NPSR1: variants seen among roughly 807,000 people sequenced by gnomAD.
The protein encoded by NPSR1 is neuropeptide S receptor 1, also known as neuropeptide S receptor.
Under a neutral mutation model 46.9 loss-of-function variants are expected in NPSR1, and 48 were observed. The observed-to-expected ratio is 1.02, with a 90% CI of 0.81 to 1.30. The LOEUF (loss-of-function observed/expected upper bound fraction) is 1.30, where lower values mean the gene tolerates loss of function less well. Ranked by LOEUF, NPSR1 falls within the 50% of genes most tolerant of loss-of-function variation. The pLI, the probability that NPSR1 is intolerant of heterozygous loss-of-function variation, is 0.00. For missense variants in NPSR1, 450 were observed against 449.5 expected, an observed-to-expected ratio of 1.00 and a Z score of -0.01; for synonymous variants, 176 against 168.1, an observed-to-expected ratio of 1.05 and a Z score of -0.36.
rs35157717 is a variant in NPSR1 at position 34,703,371 on chromosome 7, AAAATAAATAAATAAAT to A, written c.280+18707_280+18722del. Reference sequence around the variant, plus strand: ...GGGTGACAGAGCAAGACTCCGTCTCAAAATAAATAAATAAATAAATAAATAAATAAATAAAGCATTT... The same window carrying A: ...GGGTGACAGAGCAAGACTCCGTCTCAAAATAAATAAATAAATAAAGCATTT... On this transcript the variant is annotated intron_variant, in intron 2 of 8. Coordinates refer to ENST00000360581, the MANE Select transcript of NPSR1 (RefSeq NM_207172.2). Among the ~76,000 whole-genome samples, 15 of 148,654 alleles carry A rather than the reference AAAATAAATAAATAAAT, an allele frequency of 1.0e-4. No individual in the cohort carries two copies. In the East Asian group the frequency reaches 2.0e-3, roughly 20 times the overall value.
intron 3 of NPSR1, among the ~76,000 whole-genome samples, chr7:34,782,839 T>C (rs921928084): frequency 4.6e-5 from 7 of 152,134 alleles, no homozygotes; most frequent in African/African-American, 1.7e-4. Flanking sequence ...AAATAATTTT[T>C]TTAGGAAAGC....
rs1289582414 is a variant in NPSR1 at position 34,858,803 on chromosome 7, A to G, written c.1025+10140A>G. On this transcript the variant is annotated intron_variant, in intron 8 of 8. Coordinates refer to the NPSR1 transcript ENST00000359791. ...AAAGACCTGTCCCCATGATTCAGTC[A>G]TCTCCCACTGGGTCCCTTCCACAAC... Among the ~76,000 whole-genome samples, 2 of 151,776 alleles carry G rather than the reference A, an allele frequency of 1.3e-5. 1 individual carries two copies. Among genetic ancestry groups the G allele is most frequent in the African/African-American group, 4.9e-5 (2 of 41,032 alleles).
chr7:34,710,516 GA>G (rs1783223405), intron 2 of NPSR1, among the ~76,000 whole-genome samples: 1 of 152,188 alleles, frequency 6.6e-6, no homozygotes, highest in East Asian at 1.9e-4. Context: ...CAGAATAGAT[GA>G]ATCTTAAATG....
intron 2 of NPSR1, among the ~76,000 whole-genome samples, chr7:34,734,637 A>T (rs1368111562): frequency 6.6e-6 from 1 of 152,198 alleles, no homozygotes; most frequent in Non-Finnish European, 1.5e-5. Flanking sequence ...TCTTCTCAAA[A>T]CTCACAAGAG....
In NPSR1 at chr7:34,697,300, A is replaced by C. The variant is rs184824588; in HGVS notation, c.280+12616A>C. 3.0e-3 allele frequency among the ~76,000 whole-genome samples: 449 copies of C among 152,054 alleles called. 8 individuals are homozygous for C. Among genetic ancestry groups the C allele is most frequent in the African/African-American group, 0.01 (418 of 41,544 alleles). ...TTGCCTGGATGTAGTAAAAGTACTAATTTCTATTAGATTTTAATGTCAAGG... is the reference window on the plus strand; with the variant it reads ...TTGCCTGGATGTAGTAAAAGTACTACTTTCTATTAGATTTTAATGTCAAGG... On this transcript the variant is annotated intron_variant, in intron 2 of 8. Coordinates refer to ENST00000360581, the MANE Select transcript of NPSR1 (RefSeq NM_207172.2).
chr7:34,814,456 T>C (rs1472298793), intron 4 of NPSR1, among the ~76,000 whole-genome samples: 1 of 152,232 alleles, frequency 6.6e-6, no homozygotes. Flanking sequence ...TCCACCTCTG[T>C]GGGCAGGACA....
chr7:34,691,735 A>G (rs1793272478), intron 2 of NPSR1, among the ~76,000 whole-genome samples: 1 of 152,076 alleles, frequency 6.6e-6, no homozygotes, highest in Non-Finnish European at 1.5e-5. Flanking sequence ...ACATATAAGA[A>G]CAAAGATGAA....
intron 1 of NPSR1, among the ~76,000 whole-genome samples, chr7:34,678,218 C>CTTTTTTT (rs869140156): frequency 4.0e-5 from 4 of 100,702 alleles, no homozygotes; most frequent in East Asian, 2.9e-4. Flanking sequence ...CTTTGCAATT[C>CTTTTTTT]TTTTTTTTTT....
At chr7:34,734,324 G>T (rs1320354789) in intron 2 of NPSR1, among the ~76,000 whole-genome samples, 1 of 152,150 alleles carries the variant, frequency 6.6e-6, no homozygotes, top group Non-Finnish European at 1.5e-5. Context: ...AATTGAGAAT[G>T]CTACTCTAAA....
At chr7:34,802,138 G>A (rs1788451311) in intron 3 of NPSR1, among the ~76,000 whole-genome samples, 1 of 150,336 alleles carries the variant, frequency 6.7e-6, no homozygotes, top group Admixed American at 6.6e-5. Flanking sequence ...TGCCCATACT[G>A]CCCAAGGTAT....
chr7:34,715,514 T>C (rs769548663), intron 2 of NPSR1, among the ~76,000 whole-genome samples: 2 of 152,112 alleles, frequency 1.3e-5, no homozygotes, highest in Non-Finnish European at 2.9e-5. Flanking sequence ...CAATATCCCA[T>C]GGATGGGGTC....
intron 1 of NPSR1, among the ~76,000 whole-genome samples, chr7:34,676,785 C>A (rs562529517): frequency 1.7e-4 from 26 of 152,014 alleles, no homozygotes; most frequent in Non-Finnish European, 2.8e-4. Context: ...TAGGAAGACC[C>A]CAAAAGCATT....
At chr7:34,849,380 G>A (rs1278299662) in intron 8 of NPSR1, 185 bp from the exon 9 acceptor site, 5 of 1,552,724 alleles carry the variant, frequency 3.2e-6, no homozygotes, top group Non-Finnish European at 4.4e-6. Context: ...GGGCTCTGGT[G>A]CTGACCAGTG....
chr7:34,770,975 G>A (rs948162359), intron 2 of NPSR1, among the ~76,000 whole-genome samples: 1 of 152,144 alleles, frequency 6.6e-6, no homozygotes, highest in Non-Finnish European at 1.5e-5. Context: ...TATTCATGAG[G>A]GCTCAACCTA....
chr7:34,695,738 TA>T (rs1427523189), intron 2 of NPSR1, among the ~76,000 whole-genome samples: 1 of 151,986 alleles, frequency 6.6e-6, no homozygotes, highest in Non-Finnish European at 1.5e-5. Flanking sequence ...AAATTAAAAG[TA>T]ATACCACAAT....
At chr7:34,857,194 A>T (rs1584148796) in intron 8 of NPSR1, among the ~76,000 whole-genome samples, 2 of 151,736 alleles carry the variant, frequency 1.3e-5, no homozygotes, top group Non-Finnish European at 2.9e-5. Flanking sequence ...AAGATAATCA[A>T]TTTTCAAATT....
At chr7:34,791,417 C>T (rs1303756834) in intron 3 of NPSR1, among the ~76,000 whole-genome samples, 1 of 146,698 alleles carries the variant, frequency 6.8e-6, no homozygotes, top group Non-Finnish European at 1.5e-5. Flanking sequence ...TGTTTCTATA[C>T]ACTAACAATG....
chr7:34,848,557 G>A lies in NPSR1; in HGVS notation c.919G>A (p.Glu307Lys). Residue 307 changes from glutamate to lysine, a missense_variant, in exon 8 of 9, where the codon GAG (glutamate) becomes AAG (lysine). Glu to Lys is a moderately conservative substitution (Grantham distance 56). Coordinates refer to ENST00000360581, the MANE Select transcript of NPSR1 (RefSeq NM_207172.2). ...TTTCAACCTCCTTCCAGACACCCAG[G>A]AGCGTTTCTATGCCTCTGTGATCAT... ...DNFNLLPDTQ[E>K]RFYASVIIQN... The A allele has an allele frequency of 6.2e-7, 1 of 1,614,134 alleles. No homozygotes were observed. The highest frequency in any genetic ancestry group is 8.5e-7 in the Non-Finnish European group (1 of 1,180,006).
intron 2 of NPSR1, among the ~76,000 whole-genome samples, chr7:34,708,335 T>A (rs73691496): frequency 6.8e-4 from 103 of 152,262 alleles, no homozygotes; most frequent in African/African-American, 2.3e-3. Context: ...AGTTATAGGG[T>A]CATATTTGAA....
Sources: allele counts gnomAD v4.1 joint callset (sites outside exome capture counted in the v4.1 genomes callset), GRCh38; gene constraint gnomAD v4.1.1; transcripts MANE v1.5; gene names NCBI Gene and HGNC (gene_info 2026-07-23, HGNC 2026-07-21).